The following UNC13C variants were observed in gnomAD, a reference collection of about 807,000 sequenced individuals.
The protein encoded by UNC13C is unc-13 homolog C, also known as protein unc-13 homolog C.
UNC13C carries 174 observed loss-of-function variants against 245.4 expected under a neutral mutation model. That is an observed-to-expected ratio of 0.71 (90% CI 0.63 to 0.80). The LOEUF (loss-of-function observed/expected upper bound fraction) is 0.80, where lower values mean the gene tolerates loss of function less well. UNC13C is among the 30% of genes least tolerant of loss of function. The pLI is 0.00. For missense variants in UNC13C, 2,829 were observed against 2,602.9 expected (o/e 1.09, Z -1.89); for synonymous variants, 992 against 895.1 (o/e 1.11, Z -1.93).
chr15:53,929,566 T>C, the UNC13C span, among the ~76,000 whole-genome samples: 10 of 150,892 alleles, frequency 6.6e-5, no homozygotes, highest in South Asian at 2.2e-4. Context: ...GACCTCAATA[T>C]TTTTAGGTGC....
chr15:54,072,173 G>T (rs2141099514), intron 2 of UNC13C, among the ~76,000 whole-genome samples: 1 of 152,280 alleles, frequency 6.6e-6, no homozygotes, highest in Non-Finnish European at 1.5e-5. Context: ...TAGAATTAAT[G>T]TGTGGAAGTA....
chr15:54,164,045 C>T (rs1046537644), intron 4 of UNC13C, among the ~76,000 whole-genome samples: 1 of 152,032 alleles, frequency 6.6e-6, no homozygotes, highest in African/African-American at 2.4e-5. Context: ...AAAAGGGTAA[C>T]TCTGCAAAAT....
chr15:54,321,195 GAC>G, intron 13 of UNC13C: 1 of 504,556 alleles, frequency 2.0e-6, no homozygotes, highest in Non-Finnish European at 3.9e-6. Flanking sequence ...GTTTCTGAAT[GAC>G]AGCCTTATTT....
intron 30 of UNC13C, among the ~76,000 whole-genome samples, chr15:54,613,586 G>A (rs1300377023): frequency 6.6e-6 from 1 of 151,890 alleles, no homozygotes; most frequent in East Asian, 1.9e-4. Flanking sequence ...ACATTCAAAT[G>A]TAAGTTTCTG....
intron 30 of UNC13C, among the ~76,000 whole-genome samples, chr15:54,591,033 G>A (rs888950092): frequency 6.6e-6 from 1 of 152,128 alleles, no homozygotes; most frequent in African/African-American, 2.4e-5. Context: ...TGCTTTTTCT[G>A]CATCTATTGA....
chr15:53,856,937 A>G, the UNC13C span, among the ~76,000 whole-genome samples: 1 of 152,096 alleles, frequency 6.6e-6, no homozygotes, highest in Admixed American at 6.6e-5. Flanking sequence ...GTCTCTAAAA[A>G]CTTGCTTTAT....
chr15:53,957,597 TA>T, the UNC13C span, among the ~76,000 whole-genome samples: 1 of 152,200 alleles, frequency 6.6e-6, no homozygotes, highest in African/African-American at 2.4e-5. Flanking sequence ...AGTAGTACAG[TA>T]AAAAATCCTC....
chr15:54,007,182 A>G (rs889132770), intron 1 of UNC13C, among the ~76,000 whole-genome samples: 1 of 152,196 alleles, frequency 6.6e-6, no homozygotes, highest in Non-Finnish European at 1.5e-5. Context: ...CTTTCTTTCT[A>G]TGTTCTTGTA....
intron 2 of UNC13C, among the ~76,000 whole-genome samples, chr15:54,040,502 G>GTT (rs937744052): frequency 1.1e-3 from 162 of 152,208 alleles, no homozygotes; most frequent in African/African-American, 3.9e-3. Flanking sequence ...CCTAATTAAT[G>GTT]TTTGAGAAAC....
intron 10 of UNC13C, among the ~76,000 whole-genome samples, chr15:54,285,267 A>T (rs1250848784): frequency 2.0e-5 from 3 of 151,328 alleles, no homozygotes; most frequent in East Asian, 1.9e-4. Context: ...TTTTTTTTTT[A>T]AACTCCAATA....
intron 4 of UNC13C, among the ~76,000 whole-genome samples, chr15:54,146,548 T>TA (rs1248839892): frequency 2.6e-5 from 4 of 152,132 alleles, no homozygotes; most frequent in Non-Finnish European, 5.9e-5. Flanking sequence ...TCTGTCACAA[T>TA]AAAAGTTCAG....
chr15:53,850,757 C>CT, the UNC13C span, among the ~76,000 whole-genome samples: 11 of 151,644 alleles, frequency 7.3e-5, no homozygotes, highest in African/African-American at 2.7e-4. Context: ...CTATGATTTT[C>CT]TTTTTTTTCT....
intron 25 of UNC13C, among the ~76,000 whole-genome samples, chr15:54,531,388 C>A (rs1895728005): frequency 6.6e-6 from 1 of 152,168 alleles, no homozygotes; most frequent in African/African-American, 2.4e-5. Context: ...ATTTTAGATA[C>A]ATAAGGAATA....
chr15:54,566,811 C>T (rs1008323478), intron 29 of UNC13C, among the ~76,000 whole-genome samples: 3 of 152,078 alleles, frequency 2.0e-5, no homozygotes, highest in Non-Finnish European at 4.4e-5. Context: ...AAGAATGACA[C>T]ATACCCATTT....
chr15:54,227,401 G>A (rs1272549126), intron 4 of UNC13C, among the ~76,000 whole-genome samples: 1 of 152,170 alleles, frequency 6.6e-6, no homozygotes, highest in Non-Finnish European at 1.5e-5. Flanking sequence ...TTTCCACCAT[G>A]GAGCCTGCCT....
chr15:54,163,195 G>A (rs959448479), intron 4 of UNC13C, among the ~76,000 whole-genome samples: 2 of 152,172 alleles, frequency 1.3e-5, no homozygotes, highest in African/African-American at 4.8e-5. Context: ...TAATGACAGA[G>A]GTGTCAGTTT....
At chr15:54,154,243 T>G (rs1217569128) in intron 4 of UNC13C, among the ~76,000 whole-genome samples, 1 of 151,822 alleles carries the variant, frequency 6.6e-6, no homozygotes, top group Non-Finnish European at 1.5e-5. Context: ...TCTATTGGTA[T>G]TTTGATACAT....
chr15:54,015,143 A>G lies in UNC13C; in HGVS notation c.2240A>G (p.Asn747Ser). 6.2e-7 allele frequency: 1 copy of G among 1,612,434 alleles called. No homozygotes were observed. The highest frequency in any genetic ancestry group is 8.5e-7 in the Non-Finnish European group (1 of 1,179,228). ...GATTCTTATCAGGGAGCTAATTCTA[A>G]TGAGCTATACCAAAATCAAAACCAG... ...QYDSYQGANS[N>S]ELYQNQNQLS... Residue 747 changes from asparagine (N) to serine (S), a missense_variant, in exon 2 of 33, where the codon AAT becomes AGT. Physicochemically the swap from Asn to Ser is conservative, Grantham distance 46. Transcript: ENST00000260323.
Position 54,500,925 on chromosome 15 carries a change from C to A in UNC13C, c.5248C>A (p.Leu1750Met). 6.2e-7 allele frequency: 1 copy of A among 1,612,998 alleles called. No homozygotes were observed. The highest frequency in any genetic ancestry group is 8.5e-7 in the Non-Finnish European group (1 of 1,179,260). Reference protein sequence around the residue: ...LNQSFEIIKKLECPNPEALSH... With the variant: ...LNQSFEIIKKMECPNPEALSH... Reference sequence around the variant, plus strand: ...TCAGAGCTTTGAAATTATTAAGAAACTGGAATGCCCTAATCCTGAAGCATT... The same window carrying A: ...TCAGAGCTTTGAAATTATTAAGAAAATGGAATGCCCTAATCCTGAAGCATT... The change falls in exon 22 of 33, where the codon CTG becomes ATG. Residue 1750 changes from leucine to methionine, a missense_variant. Leu to Met is a conservative substitution (Grantham distance 15). Coordinates refer to ENST00000260323, the MANE Select transcript of UNC13C (RefSeq NM_001080534.3).
Sources: allele counts gnomAD v4.1 joint callset (sites outside exome capture counted in the v4.1 genomes callset), GRCh38; gene constraint gnomAD v4.1.1; transcripts MANE v1.5; gene names NCBI Gene and HGNC (gene_info 2026-07-23, HGNC 2026-07-21).